COL25A1: variants seen among roughly 807,000 people sequenced by gnomAD.
The protein encoded by COL25A1 is collagen alpha-1(XXV) chain.
COL25A1 carries 103 observed loss-of-function variants against 128.4 expected under a neutral mutation model. The observed-to-expected ratio is 0.80, with a 90% CI of 0.68 to 0.94. COL25A1 has a LOEUF of 0.94. Ranked by LOEUF, COL25A1 falls within the 40% of genes least tolerant of loss-of-function variation. The pLI, the probability that COL25A1 is intolerant of heterozygous loss-of-function variation, is 0.00. For synonymous variants in COL25A1, 279 were observed against 277.2 expected (o/e 1.01, Z -0.06); for missense variants, 745 against 840.0 (o/e 0.89, Z 1.40).
At chr4:108,998,330 TAGAG>T (rs1157969340) in intron 6 of COL25A1, among the ~76,000 whole-genome samples, 10 of 148,388 alleles carry the variant, frequency 6.7e-5, no homozygotes, top group East Asian at 2.0e-4. Flanking sequence ...ACACCAATAA[TAGAG>T]AGCCAAATCA....
chr4:108,951,745 A>AGAAACTTATGTGATGGC (rs1418899308), intron 8 of COL25A1, among the ~76,000 whole-genome samples: 4 of 152,186 alleles, frequency 2.6e-5, no homozygotes, highest in African/African-American at 9.6e-5. Flanking sequence ...ATGTGATGGC[A>AGAAACTTATGTGATGGC]AAAACTTACT....
chr4:109,214,881 T>C (rs2126201842), intron 3 of COL25A1, among the ~76,000 whole-genome samples: 1 of 152,254 alleles, frequency 6.6e-6, no homozygotes, highest in South Asian at 2.1e-4. Context: ...AGACAGAGCT[T>C]GACAGGTTTC....
intron 24 of COL25A1, among the ~76,000 whole-genome samples, chr4:108,855,750 T>C (rs1452078858): frequency 6.6e-6 from 1 of 152,174 alleles, no homozygotes; most frequent in Non-Finnish European, 1.5e-5. Flanking sequence ...TAAAATTGTA[T>C]AATGTTCCAT....
Position 108,811,266 on chromosome 4 carries a change from A to T in COL25A1, c.*2661T>A, listed in dbSNP as rs1358718690. ...CTAGCAATTCCACTGAACAAGGAGG[A>T]GTATTTCCATCCCTTTGTTTTTCCC... On this transcript the variant is annotated 3_prime_UTR_variant, in exon 38 of 38. Transcript: ENST00000399132. 6.6e-6 allele frequency: 1 copy of T among 152,100 alleles called. No homozygotes were observed. The highest frequency in any genetic ancestry group is 1.5e-5 in the Non-Finnish European group (1 of 67,948). 9.4% of individuals were successfully genotyped at this position (152,100 alleles called of 1,614,324 possible). A position where few individuals can be genotyped will look rare whatever the true frequency, so the allele number is the denominator to read the frequency against.
At chr4:108,859,952 A>C (rs186430985) in intron 23 of COL25A1, among the ~76,000 whole-genome samples, 163 of 152,000 alleles carry the variant, frequency 1.1e-3, no homozygotes, top group African/African-American at 3.6e-3. Context: ...TAGGTTCAAT[A>C]TATGAAATCT....
At position 108,813,339 on chromosome 4, in the gene COL25A1, A is replaced by G. The variant is rs1488795913; in HGVS notation, c.*588T>C. 6.6e-6 allele frequency: 1 copy of G among 152,420 alleles called. No homozygotes were observed. Among genetic ancestry groups the G allele is most frequent in the Non-Finnish European group, 1.5e-5 (1 of 68,210 alleles). The allele number at this position is 152,420 out of a possible 1,614,324, so 9.4% of individuals were successfully genotyped here. On this transcript the variant is annotated 3_prime_UTR_variant, in exon 38 of 38. Coordinates refer to ENST00000399132, the MANE Select transcript of COL25A1 (RefSeq NM_198721.4). ...CATGGTGTAACCCCCTTGAGATGAC[A>G]AAAGGAATAAAGGTTCAGATGTAAT...
chr4:108,875,032 A>C (rs910825050), intron 19 of COL25A1, among the ~76,000 whole-genome samples: 3 of 152,230 alleles, frequency 2.0e-5, no homozygotes, highest in African/African-American at 7.2e-5. Flanking sequence ...TGACAAAGTC[A>C]ATTGGGATTC....
chr4:108,924,319 C>A (rs1429519871), intron 11 of COL25A1, among the ~76,000 whole-genome samples: 1 of 152,154 alleles, frequency 6.6e-6, no homozygotes, highest in African/African-American at 2.4e-5. Context: ...CAGATAAAAA[C>A]TGGTGAACAC....
rs116554971 is a variant in COL25A1 at position 109,066,203 on chromosome 4, C to T, written c.368-16024G>A. Among the ~76,000 whole-genome samples the T allele has an allele frequency of 1.9e-3, 291 of 152,276 alleles. 2 individuals carry two copies. Among genetic ancestry groups the T allele is most frequent in the African/African-American group, 6.7e-3 (278 of 41,552 alleles). On this transcript the variant is annotated intron_variant, in intron 3 of 37. Coordinates refer to ENST00000399132, the MANE Select transcript of COL25A1 (RefSeq NM_198721.4). ...ATCCAGAGCTGATTTGCAGCTGGTA[C>T]ACATCAGCACTACCACACTGGTTGT...
At chr4:108,955,545 G>C (rs28436918) in intron 8 of COL25A1, among the ~76,000 whole-genome samples, 1 of 151,886 alleles carries the variant, frequency 6.6e-6, no homozygotes, top group Non-Finnish European at 1.5e-5. Context: ...TGAATATCTT[G>C]ATTACAAATA....
At chr4:108,994,833 TG>T (rs1327778771) in intron 6 of COL25A1, among the ~76,000 whole-genome samples, 1 of 152,174 alleles carries the variant, frequency 6.6e-6, no homozygotes. Flanking sequence ...AAACAGGGTC[TG>T]GAGTGGACCT....
chr4:109,132,241 A>T (rs1769281373), intron 3 of COL25A1, among the ~76,000 whole-genome samples: 1 of 152,060 alleles, frequency 6.6e-6, no homozygotes, highest in Non-Finnish European at 1.5e-5. Flanking sequence ...TAATACACAC[A>T]CACATGCATA....
intron 3 of COL25A1, among the ~76,000 whole-genome samples, chr4:109,165,454 G>A (rs1186323917): frequency 1.3e-5 from 2 of 152,178 alleles, no homozygotes; most frequent in African/African-American, 2.4e-5. Flanking sequence ...GGTGGCTCAC[G>A]TCTGTAATCC....
At chr4:109,165,910 T>C (rs761680749) in intron 3 of COL25A1, among the ~76,000 whole-genome samples, 4 of 152,232 alleles carry the variant, frequency 2.6e-5, no homozygotes, top group Non-Finnish European at 4.4e-5. Context: ...TAAATGTTTA[T>C]TGAGCTGAAA....
intron 5 of COL25A1, among the ~76,000 whole-genome samples, chr4:109,025,405 C>T (rs1371494228): frequency 4.6e-5 from 7 of 152,062 alleles, no homozygotes; most frequent in African/African-American, 1.7e-4. Flanking sequence ...GTTGATTGTT[C>T]CAGATAAATA....
intron 3 of COL25A1, among the ~76,000 whole-genome samples, chr4:109,118,551 A>G (rs1232263519): frequency 6.6e-6 from 1 of 152,028 alleles, no homozygotes; most frequent in Non-Finnish European, 1.5e-5. Flanking sequence ...TACCACGGGA[A>G]CACTAATCAA....
At chr4:109,013,098 T>TA (rs1264708116) in intron 5 of COL25A1, among the ~76,000 whole-genome samples, 1 of 152,156 alleles carries the variant, frequency 6.6e-6, no homozygotes, top group Non-Finnish European at 1.5e-5. Flanking sequence ...TAAAGGATTG[T>TA]AAATGCACCA....
At chr4:109,200,061 T>C (rs1451333104) in intron 3 of COL25A1, among the ~76,000 whole-genome samples, 1 of 152,246 alleles carries the variant, frequency 6.6e-6, no homozygotes, top group Non-Finnish European at 1.5e-5. Flanking sequence ...TAAAGCTTTG[T>C]AAGAGGCAGC....
At chr4:109,138,217 A>G (rs1320558856) in intron 3 of COL25A1, among the ~76,000 whole-genome samples, 1 of 152,072 alleles carries the variant, frequency 6.6e-6, no homozygotes, top group Non-Finnish European at 1.5e-5. Flanking sequence ...ACTCCCACTT[A>G]TGAATGAGAA....
Sources: allele counts gnomAD v4.1 joint callset (sites outside exome capture counted in the v4.1 genomes callset), GRCh38; gene constraint gnomAD v4.1.1; transcripts MANE v1.5; gene names NCBI Gene and HGNC (gene_info 2026-07-23, HGNC 2026-07-21).